The following CNTN4 variants were observed in gnomAD, a reference collection of about 807,000 sequenced individuals.
The protein encoded by CNTN4 is contactin-4.
In CNTN4, 77 loss-of-function variants were observed where a neutral mutation model predicts 122.5. The observed-to-expected ratio is 0.63, with a 90% CI of 0.52 to 0.76. The LOEUF (loss-of-function observed/expected upper bound fraction) is 0.76. Ranked by LOEUF, CNTN4 falls within the 30% of genes least tolerant of loss-of-function variation. The pLI, the probability that CNTN4 is intolerant of heterozygous loss-of-function variation, is 0.00. For missense variants in CNTN4, 1,256 were observed against 1,259.1 expected (o/e 1.00, Z 0.04); for synonymous variants, 512 against 447.0 (o/e 1.15, Z -1.83).
At chr3:2,325,701 T>C (rs1284156041) in intron 2 of CNTN4, among the ~76,000 whole-genome samples, 3 of 152,238 alleles carry the variant, frequency 2.0e-5, no homozygotes, top group African/African-American at 4.8e-5. Flanking sequence ...TACTGGATTA[T>C]AGGCAAGATA....
chr3:2,648,557 T>G (rs986608651), intron 4 of CNTN4, among the ~76,000 whole-genome samples: 1 of 152,170 alleles, frequency 6.6e-6, no homozygotes, highest in Non-Finnish European at 1.5e-5. Flanking sequence ...GACGAAGAAC[T>G]TAATCGATCA....
intron 17 of CNTN4, 39 bp from the exon 18 acceptor site, chr3:3,037,140 G>T (rs1171317144): frequency 6.2e-7 from 1 of 1,611,970 alleles, no homozygotes; most frequent in Admixed American, 1.7e-5. Context: ...TGTTTTCTGA[G>T]AACCTATGAA....
At chr3:2,656,043 A>G (rs1048367843) in intron 4 of CNTN4, among the ~76,000 whole-genome samples, 1 of 152,220 alleles carries the variant, frequency 6.6e-6, no homozygotes, top group Non-Finnish European at 1.5e-5. Context: ...TGGAAAAGAT[A>G]AGAATGTTTT....
intron 7 of CNTN4, among the ~76,000 whole-genome samples, chr3:2,837,433 C>T (rs2093252894): frequency 6.6e-6 from 1 of 152,194 alleles, no homozygotes; most frequent in Non-Finnish European, 1.5e-5. Context: ...CCGCTTTGCT[C>T]CTGCCTGGAG....
intron 6 of CNTN4, among the ~76,000 whole-genome samples, chr3:2,760,479 G>A (rs1306160108): frequency 2.6e-5 from 4 of 152,016 alleles, no homozygotes; most frequent in Non-Finnish European, 4.4e-5. Flanking sequence ...CACTTTTGCC[G>A]AAAATCAGTT....
At chr3:2,421,979 G>A (rs1387274110) in intron 3 of CNTN4, among the ~76,000 whole-genome samples, 1 of 151,964 alleles carries the variant, frequency 6.6e-6, no homozygotes, top group East Asian at 1.9e-4. Flanking sequence ...AAAAATTAGT[G>A]TACCTGATTT....
intron 7 of CNTN4, chr3:2,866,454 T>C: frequency 8.1e-7 from 1 of 1,241,758 alleles, no homozygotes; most frequent in South Asian, 1.6e-5. Flanking sequence ...ACATAGTGCC[T>C]GACACCTGAT....
intron 14 of CNTN4, among the ~76,000 whole-genome samples, chr3:3,000,698 G>A (rs1410370349): frequency 6.6e-6 from 1 of 152,124 alleles, no homozygotes; most frequent in East Asian, 1.9e-4. Context: ...CTCAGGGTCT[G>A]CCCTAAGTAA....
At chr3:2,788,631 C>T (rs1469803770) in intron 6 of CNTN4, among the ~76,000 whole-genome samples, 1 of 152,140 alleles carries the variant, frequency 6.6e-6, no homozygotes, top group African/African-American at 2.4e-5. Context: ...AAATTGTAAT[C>T]CCATAAAGAC....
chr3:2,513,787 A>G (rs2076960605), intron 3 of CNTN4, among the ~76,000 whole-genome samples: 1 of 152,138 alleles, frequency 6.6e-6, no homozygotes, highest in Non-Finnish European at 1.5e-5. Flanking sequence ...TCTGCAGGAA[A>G]GTGGATTGAA....
intron 2 of CNTN4, among the ~76,000 whole-genome samples, chr3:2,225,674 A>T (rs2039255332): frequency 6.6e-6 from 1 of 152,146 alleles, no homozygotes; most frequent in South Asian, 2.1e-4. Context: ...AAAGTCATTG[A>T]TCTAAACTTA....
intron 4 of CNTN4, among the ~76,000 whole-genome samples, chr3:2,683,087 A>G (rs2085247600): frequency 6.6e-6 from 1 of 152,064 alleles, no homozygotes; most frequent in African/African-American, 2.4e-5. Flanking sequence ...AAAACAATCC[A>G]CCACCATTAT....
chr3:2,476,705 T>C (rs532638058), intron 3 of CNTN4, among the ~76,000 whole-genome samples: 2 of 152,160 alleles, frequency 1.3e-5, no homozygotes, highest in African/African-American at 4.8e-5. Flanking sequence ...CTTGGGGTAA[T>C]AGAAATATTC....
chr3:2,196,819 C>A (rs2037856015), intron 2 of CNTN4, among the ~76,000 whole-genome samples: 1 of 151,776 alleles, frequency 6.6e-6, no homozygotes, highest in Non-Finnish European at 1.5e-5. Context: ...CCGAGGTGGG[C>A]AGATCTTATG....
At chr3:2,468,523 G>A (rs182495619) in intron 3 of CNTN4, among the ~76,000 whole-genome samples, 1 of 152,162 alleles carries the variant, frequency 6.6e-6, no homozygotes, top group African/African-American at 2.4e-5. Context: ...ACGGTAGGCT[G>A]TTGTGTCTGG....
chr3:2,211,944 G>C (rs936893588), intron 2 of CNTN4, among the ~76,000 whole-genome samples: 1 of 152,102 alleles, frequency 6.6e-6, no homozygotes, highest in African/African-American at 2.4e-5. Flanking sequence ...CAGATATTCT[G>C]ATTCTGATGC....
chr3:2,597,514 C>A (rs1485829356), intron 4 of CNTN4, among the ~76,000 whole-genome samples: 1 of 152,176 alleles, frequency 6.6e-6, no homozygotes, highest in Non-Finnish European at 1.5e-5. Flanking sequence ...TGTTGATAAT[C>A]TTCAGCATAG....
In CNTN4 at chr3:2,172,723, C is replaced by T. The variant is rs142770591; in HGVS notation, c.-145+72084C>T. Among the ~76,000 whole-genome samples, 577 of 152,178 alleles carry T rather than the reference C, an allele frequency of 3.8e-3. 6 individuals are homozygous for T. Among genetic ancestry groups the T allele is most frequent in the African/African-American group, 0.013 (554 of 41,504 alleles). On this transcript the variant is annotated intron_variant, in intron 2 of 24. Transcript: ENST00000418658. Reference sequence around the variant, plus strand: ...TCCATCAGGACAACTGCTCTAGCTGCAGTGTATAGCAGATTGCAGGAGACT... The same window carrying T: ...TCCATCAGGACAACTGCTCTAGCTGTAGTGTATAGCAGATTGCAGGAGACT...
chr3:3,028,642 G>A (rs7648901), intron 15 of CNTN4, among the ~76,000 whole-genome samples: 81,335 of 151,892 alleles, frequency 0.54, 22,043 homozygotes, highest in Middle Eastern at 0.63. Context: ...TTCCCTGCAC[G>A]CATCCCCTGG....
Sources: allele counts gnomAD v4.1 joint callset (sites outside exome capture counted in the v4.1 genomes callset), GRCh38; gene constraint gnomAD v4.1.1; transcripts MANE v1.5; gene names NCBI Gene and HGNC (gene_info 2026-07-23, HGNC 2026-07-21).